The following DIP2C variants were observed in gnomAD, a reference collection of about 807,000 sequenced individuals.
The protein encoded by DIP2C is DIP2 acetate--CoA ligase C (putative).
In DIP2C, 33 loss-of-function variants were observed where a neutral mutation model predicts 192.4. The ratio of observed to expected loss-of-function variants is 0.17; its 90% CI spans 0.13 to 0.23. The LOEUF (loss-of-function observed/expected upper bound fraction) is 0.23. DIP2C is among the 10% of genes least tolerant of loss of function. DIP2C has a pLI of 1.00. For missense variants in DIP2C, 1,537 were observed against 2,110.1 expected, an observed-to-expected ratio of 0.73 and a Z score of 5.32; for synonymous variants, 979 against 864.1, an observed-to-expected ratio of 1.13 and a Z score of -2.33.
At chr10:592,049 A>ACC (rs1851434600) in intron 1 of DIP2C, among the ~76,000 whole-genome samples, 1 of 152,226 alleles carries the variant, frequency 6.6e-6, no homozygotes, top group African/African-American at 2.4e-5. Context: ...CATGAGGGAG[A>ACC]CACATTCATA....
chr10:580,837 T>TTTC (rs1850598212), intron 1 of DIP2C, among the ~76,000 whole-genome samples: 1 of 152,206 alleles, frequency 6.6e-6, no homozygotes, highest in African/African-American at 2.4e-5. Flanking sequence ...GCGCAACCAC[T>TTTC]TTCTGTCAGA....
intron 1 of DIP2C, among the ~76,000 whole-genome samples, chr10:673,236 C>A (rs1041567502): frequency 1.3e-5 from 2 of 152,124 alleles, no homozygotes; most frequent in African/African-American, 4.8e-5. Flanking sequence ...GCCACGTGGT[C>A]TATACTTGAA....
At position 370,067 on chromosome 10, in the gene DIP2C, C is replaced by T. The variant is rs1357039311; in HGVS notation, c.1992-434G>A. Reference sequence around the variant, plus strand: ...CACTCCAAGAATGCAGACAAAACCACTGAACAGCAATGATGGAAATCCTGA... The same window carrying T: ...CACTCCAAGAATGCAGACAAAACCATTGAACAGCAATGATGGAAATCCTGA... On this transcript the variant is annotated intron_variant, in intron 17 of 36. Coordinates refer to ENST00000280886, the MANE Select transcript of DIP2C (RefSeq NM_014974.3). The T allele has an allele frequency of 3.0e-6, 3 of 984,368 alleles. No individual in the cohort carries two copies. In the African/African-American group the frequency reaches 5.2e-5, roughly 17 times the overall value. The allele number at this position is 984,368 out of a possible 1,614,324, so 61.0% of individuals were successfully genotyped here. A position where few individuals can be genotyped will look rare whatever the true frequency, so the allele number is the denominator to read the frequency against.
intron 1 of DIP2C, among the ~76,000 whole-genome samples, chr10:591,929 G>T (rs1470903296): frequency 6.6e-6 from 1 of 152,200 alleles, no homozygotes; most frequent in African/African-American, 2.4e-5. Flanking sequence ...ACAGCAGAAA[G>T]TCTCCATGTG....
At position 649,931 on chromosome 10, in the gene DIP2C, C is replaced by T. The variant is rs367722177; in HGVS notation, c.85+39563G>A. ...TCACCTGCGTCCCCGTGCGTCACGGCGTTGCCGCACACCATTAACACATCA... is the reference window on the plus strand; with the variant it reads ...TCACCTGCGTCCCCGTGCGTCACGGTGTTGCCGCACACCATTAACACATCA... On this transcript the variant is annotated intron_variant, in intron 1 of 36. Coordinates refer to ENST00000280886, the MANE Select transcript of DIP2C (RefSeq NM_014974.3). 129 of 589,402 alleles carry T rather than the reference C, an allele frequency of 2.2e-4. 1 individual carries two copies. The East Asian group carries it at 2.7e-3, about 12-fold the overall frequency. The allele number at this position is 589,402 out of a possible 1,614,324, so 36.5% of individuals were successfully genotyped here.
chr10:306,908 C>T (rs964994563), intron 32 of DIP2C, among the ~76,000 whole-genome samples: 7 of 152,218 alleles, frequency 4.6e-5, no homozygotes, highest in Non-Finnish European at 7.3e-5. Flanking sequence ...AAATGTGATT[C>T]CCAGGGTTGG....
chr10:537,522 C>T (rs1258967434), intron 1 of DIP2C, among the ~76,000 whole-genome samples: 1 of 152,010 alleles, frequency 6.6e-6, no homozygotes, highest in Non-Finnish European at 1.5e-5. Flanking sequence ...CAGCATCTGC[C>T]CCCCACACAT....
intron 9 of DIP2C, among the ~76,000 whole-genome samples, chr10:406,115 T>C (rs1445104946): frequency 2.0e-5 from 3 of 152,236 alleles, no homozygotes; most frequent in Non-Finnish European, 4.4e-5. Flanking sequence ...ATTATTATCA[T>C]ATGGAAACTT....
chr10:576,442 C>T (rs1432134703), intron 1 of DIP2C, among the ~76,000 whole-genome samples: 2 of 152,246 alleles, frequency 1.3e-5, no homozygotes, highest in Non-Finnish European at 2.9e-5. Context: ...AGTCCCGTAT[C>T]TAAGCCCTGA....
intron 1 of DIP2C, among the ~76,000 whole-genome samples, chr10:529,746 T>A (rs1410346290): frequency 6.6e-6 from 1 of 152,242 alleles, no homozygotes; most frequent in East Asian, 1.9e-4. Flanking sequence ...GCAGTTACTT[T>A]GATAAATTCT....
In DIP2C at chr10:277,106, C is replaced by A; in HGVS notation, c.*219G>T. The A allele has an allele frequency of 3.5e-6, 2 of 563,950 alleles. No individual in the cohort carries two copies. Among genetic ancestry groups the A allele is most frequent in the East Asian group, 3.1e-5 (1 of 32,124 alleles). The allele number at this position is 563,950 out of a possible 1,614,324, so 34.9% of individuals were successfully genotyped here. A position where few individuals can be genotyped will look rare whatever the true frequency, so the allele number is the denominator to read the frequency against. ...TTTCCAACAAACTGAAGGCAGTAAT[C>A]CAAAGTCCTTCTGAGCGAAATTCAG... is the stretch of plus-strand genomic sequence containing the variant. On this transcript the variant is annotated 3_prime_UTR_variant, in exon 37 of 37. Coordinates refer to ENST00000280886, the MANE Select transcript of DIP2C (RefSeq NM_014974.3).
intron 1 of DIP2C, among the ~76,000 whole-genome samples, chr10:534,535 T>G (rs2130874495): frequency 6.6e-6 from 1 of 152,338 alleles, no homozygotes; most frequent in East Asian, 1.9e-4. Flanking sequence ...ATTGACAATA[T>G]TTCAATTATC....
intron 24 of DIP2C, among the ~76,000 whole-genome samples, chr10:355,608 TTTC>T (rs545019783): frequency 5.3e-5 from 8 of 152,372 alleles, no homozygotes; most frequent in Non-Finnish European, 8.8e-5. Flanking sequence ...GCATTTAATT[TTTC>T]TTGTTAATAG....
intron 18 of DIP2C, among the ~76,000 whole-genome samples, chr10:367,317 G>T (rs534475541): frequency 1.4e-3 from 207 of 151,914 alleles, no homozygotes; most frequent in African/African-American, 3.7e-3. Context: ...CTCGGGAGGC[G>T]GAGGCAGGAG....
chr10:494,938 A>T (rs887535412), intron 1 of DIP2C, among the ~76,000 whole-genome samples: 1 of 152,242 alleles, frequency 6.6e-6, no homozygotes, highest in African/African-American at 2.4e-5. Context: ...GCATGCTCAC[A>T]TCCACTGCAG....
At chr10:423,565 C>G (rs1966360066) in intron 4 of DIP2C, among the ~76,000 whole-genome samples, 1 of 151,878 alleles carries the variant, frequency 6.6e-6, no homozygotes, top group Non-Finnish European at 1.5e-5. Flanking sequence ...ATTTCTATGT[C>G]AGTGTGTTAG....
chr10:284,566 G>T (rs1271544219), intron 34 of DIP2C, among the ~76,000 whole-genome samples: 1 of 152,316 alleles, frequency 6.6e-6, no homozygotes, highest in Non-Finnish European at 1.5e-5. Flanking sequence ...GAAGCGGAGG[G>T]TAAACGGTGG....
chr10:382,206 C>T (rs1248834732), intron 17 of DIP2C, among the ~76,000 whole-genome samples: 1 of 152,188 alleles, frequency 6.6e-6, no homozygotes, highest in Non-Finnish European at 1.5e-5. Flanking sequence ...ATCAACTATA[C>T]ACCAGAGACA....
chr10:420,425 G>T (rs1966104583), intron 5 of DIP2C, among the ~76,000 whole-genome samples: 1 of 152,158 alleles, frequency 6.6e-6, no homozygotes. Context: ...GAACTAAGGG[G>T]AGGGCCCGCC....
Sources: gnomAD v4.1 joint callset for allele counts (sites outside exome capture counted in the v4.1 genomes callset) on GRCh38, gnomAD v4.1.1 for gene constraint, MANE v1.5 for transcripts, NCBI Gene and HGNC (gene_info 2026-07-23, HGNC 2026-07-21) for gene names.